AHCYL2: variants seen among roughly 807,000 people sequenced by gnomAD.
AHCYL2 encodes the protein S-adenosylhomocysteine hydrolase-like protein 2.
Under a neutral mutation model 81.4 loss-of-function variants are expected in AHCYL2, and 28 were observed. The observed-to-expected ratio is 0.34, with a 90% CI of 0.25 to 0.47. AHCYL2 has a LOEUF of 0.47. AHCYL2 is among the 20% of genes least tolerant of loss of function. The pLI, the probability that AHCYL2 is intolerant of heterozygous loss-of-function variation, is 1.00. For missense variants in AHCYL2, 551 were observed against 785.1 expected, an observed-to-expected ratio of 0.70 and a Z score of 3.56; for synonymous variants, 272 against 290.2, an observed-to-expected ratio of 0.94 and a Z score of 0.64.
intron 1 of AHCYL2, among the ~76,000 whole-genome samples, chr7:129,239,890 A>G (rs998696942): frequency 6.6e-6 from 1 of 151,842 alleles, no homozygotes; most frequent in Non-Finnish European, 1.5e-5. Flanking sequence ...GCCTCTACCC[A>G]GTCCCTTCCC....
Position 129,225,241 on chromosome 7 carries a change from C to T in AHCYL2, c.165C>T (p.Pro55=). Reference sequence around the variant, plus strand: ...GTGGAGACCCTGAGGCTCCAGCTCCCGCCGCGGAGCGGCCCCCGGTCCCCG... The same window carrying T: ...GTGGAGACCCTGAGGCTCCAGCTCCTGCCGCGGAGCGGCCCCCGGTCCCCG... ...AGGGDPEAPA[P]AAERPPVPGP... Residue 55 remains proline (P), a synonymous_variant, in exon 1 of 17, where the codon CCC becomes CCT. Coordinates refer to ENST00000325006, the MANE Select transcript of AHCYL2 (RefSeq NM_015328.4). 6.8e-7 allele frequency: 1 copy of T among 1,469,378 alleles called. No individual in the cohort carries two copies. Among genetic ancestry groups the T allele is most frequent in the Non-Finnish European group, 8.9e-7 (1 of 1,119,264 alleles). 91.0% of individuals were successfully genotyped at this position (1,469,378 alleles called of 1,614,324 possible). A position where few individuals can be genotyped will look rare whatever the true frequency, so the allele number is the denominator to read the frequency against.
At chr7:129,292,272 T>C (rs1205180395) in intron 1 of AHCYL2, among the ~76,000 whole-genome samples, 1 of 152,248 alleles carries the variant, frequency 6.6e-6, no homozygotes, top group Non-Finnish European at 1.5e-5. Context: ...TTTCTTCATC[T>C]GTCTTTGCTT....
intron 1 of AHCYL2, among the ~76,000 whole-genome samples, chr7:129,259,624 C>A (rs904045634): frequency 6.6e-6 from 1 of 152,174 alleles, no homozygotes; most frequent in Non-Finnish European, 1.5e-5. Flanking sequence ...GGTTCCTATT[C>A]AAGGTTAACT....
chr7:129,360,026 C>T (rs1227743122), intron 1 of AHCYL2, among the ~76,000 whole-genome samples: 1 of 151,392 alleles, frequency 6.6e-6, no homozygotes, highest in Non-Finnish European at 1.5e-5. Context: ...ACCCTGTTCT[C>T]TTTTCCTTCC....
rs192400526 is a variant in AHCYL2 at position 129,255,510 on chromosome 7, C to G, written c.363+30071C>G. Among the ~76,000 whole-genome samples the G allele has an allele frequency of 5.9e-3, 893 of 152,128 alleles. 4 individuals are homozygous for G. The highest frequency in any genetic ancestry group is 0.044 in the South Asian group (214 of 4,820). On this transcript the variant is annotated intron_variant, in intron 1 of 16. Coordinates refer to ENST00000325006, the MANE Select transcript of AHCYL2 (RefSeq NM_015328.4). ...TAACTATCTATTGGACAGTGTGGGT[C>G]GAAAGTAATTAAAAATAAATTTTGA...
At chr7:129,245,788 T>C (rs1415763163) in intron 1 of AHCYL2, among the ~76,000 whole-genome samples, 1 of 152,248 alleles carries the variant, frequency 6.6e-6, no homozygotes, top group Non-Finnish European at 1.5e-5. Context: ...TTTTGGCTGT[T>C]GTGAATAATG....
chr7:129,283,028 A>G (rs1563180243), intron 1 of AHCYL2, among the ~76,000 whole-genome samples: 1 of 152,070 alleles, frequency 6.6e-6, no homozygotes, highest in Non-Finnish European at 1.5e-5. Flanking sequence ...AGTGCCAGTT[A>G]GTGTTCCCTC....
chr7:129,414,254 T>C (rs1796734119), intron 12 of AHCYL2, among the ~76,000 whole-genome samples: 1 of 152,142 alleles, frequency 6.6e-6, no homozygotes. Context: ...TCTGCAGGTG[T>C]CATAATCAAT....
intron 1 of AHCYL2, among the ~76,000 whole-genome samples, chr7:129,252,041 A>G (rs1371079624): frequency 1.3e-5 from 2 of 152,152 alleles, no homozygotes; most frequent in Non-Finnish European, 2.9e-5. Flanking sequence ...CTGGCACATG[A>G]TAAGTTCATA....
rs2150941181 is a variant in AHCYL2 at position 129,406,640 on chromosome 7, T to A, written c.1295+174T>A. 6.6e-6 allele frequency among the ~76,000 whole-genome samples: 1 copy of A among 152,328 alleles called. No homozygotes were observed. Among genetic ancestry groups the A allele is most frequent in the South Asian group, 2.1e-4 (1 of 4,830 alleles). ...AGCTCTGCTTGGAGAGAGCAGAGAC[T>A]ATCAGAAAAGCGAAAATTTAGAAAT... is the stretch of plus-strand genomic sequence containing the variant. On this transcript the variant is annotated intron_variant, in intron 10 of 16. Transcript: ENST00000325006. The surrounding 1 kb of genome is among the most constrained non-coding windows in gnomAD (Gnocchi z 4.3).
intron 1 of AHCYL2, among the ~76,000 whole-genome samples, chr7:129,349,833 T>G (rs1439036700): frequency 6.6e-6 from 1 of 152,096 alleles, no homozygotes; most frequent in Non-Finnish European, 1.5e-5. Flanking sequence ...TCTGCTTTGT[T>G]TTGGGAAAAG....
intron 1 of AHCYL2, among the ~76,000 whole-genome samples, chr7:129,268,906 A>G (rs539415421): frequency 6.6e-6 from 1 of 152,300 alleles, no homozygotes; most frequent in East Asian, 1.9e-4. Context: ...TACAGAGTGT[A>G]TAACCATTAC....
At chr7:129,256,684 T>A (rs1424282976) in intron 1 of AHCYL2, among the ~76,000 whole-genome samples, 2 of 152,050 alleles carry the variant, frequency 1.3e-5, no homozygotes, top group African/African-American at 4.8e-5. Context: ...TTTCAATATT[T>A]TGCCCTTACA....
intron 4 of AHCYL2, among the ~76,000 whole-genome samples, chr7:129,392,401 G>A (rs968502850): frequency 2.6e-5 from 4 of 152,184 alleles, no homozygotes; most frequent in African/African-American, 7.2e-5. Context: ...TATAGATGGC[G>A]CTTTCTATGT....
intron 1 of AHCYL2, among the ~76,000 whole-genome samples, chr7:129,331,420 A>T (rs1475736079): frequency 6.6e-6 from 1 of 152,200 alleles, no homozygotes; most frequent in Non-Finnish European, 1.5e-5. Flanking sequence ...ACAATAAAGG[A>T]TTTTAAATAA....
chr7:129,385,633 C>T (rs1444821345), intron 2 of AHCYL2, among the ~76,000 whole-genome samples: 2 of 152,160 alleles, frequency 1.3e-5, no homozygotes, highest in Middle Eastern at 3.4e-3. Context: ...AAGATTTTTC[C>T]GGTGGTAGTT....
chr7:129,270,895 A>G lies in AHCYL2; in HGVS notation c.363+45456A>G, dbSNP rs554317960. Among the ~76,000 whole-genome samples the G allele has an allele frequency of 1.5e-3, 234 of 152,264 alleles. 1 individual carries two copies. The highest frequency in any genetic ancestry group is 3.4e-3 in the Admixed American group (52 of 15,298). On this transcript the variant is annotated intron_variant, in intron 1 of 16. Coordinates refer to ENST00000325006, the MANE Select transcript of AHCYL2 (RefSeq NM_015328.4). ...TTGTCTTCACATAGGTTCAGTTTAG[A>G]ATGTTCCTCTTTTTCTGCAGTCCAG...
chr7:129,256,346 CT>C (rs889249119), intron 1 of AHCYL2, among the ~76,000 whole-genome samples: 1 of 152,100 alleles, frequency 6.6e-6, no homozygotes, highest in Non-Finnish European at 1.5e-5. Context: ...GATTCCCTTC[CT>C]TGAGAGTAAC....
At chr7:129,268,999 T>C (rs1480476858) in intron 1 of AHCYL2, among the ~76,000 whole-genome samples, 1 of 152,242 alleles carries the variant, frequency 6.6e-6, no homozygotes, top group Non-Finnish European at 1.5e-5. Flanking sequence ...GAATCTATTT[T>C]CTGTCTCTGG....
Sources: allele counts gnomAD v4.1 joint callset (sites outside exome capture counted in the v4.1 genomes callset), GRCh38; gene constraint gnomAD v4.1.1; non-coding constraint Gnocchi (gnomAD v3.1); transcripts MANE v1.5; gene names NCBI Gene and HGNC (gene_info 2026-07-23, HGNC 2026-07-21).